The following RBPJ variants were observed in gnomAD, a reference collection of about 807,000 sequenced individuals.
RBPJ encodes the protein recombination signal binding protein for immunoglobulin kappa J region.
A neutral mutation model predicts 67.8 loss-of-function variants in RBPJ; 9 were observed. That is an observed-to-expected ratio of 0.13 (90% confidence interval 0.08 to 0.23). The LOEUF (loss-of-function observed/expected upper bound fraction) is 0.23. Ranked by LOEUF, RBPJ falls within the 10% of genes least tolerant of loss-of-function variation. The pLI, the probability that RBPJ is intolerant of heterozygous loss-of-function variation, is 1.00. For missense variants in RBPJ, 305 were observed against 595.6 expected (o/e 0.51, Z 5.08); for synonymous variants, 198 against 203.3 (o/e 0.97, Z 0.22).
At chr4:26,288,267 A>G (rs1245231158) in intron 1 of RBPJ, among the ~76,000 whole-genome samples, 1 of 152,234 alleles carries the variant, frequency 6.6e-6, no homozygotes, top group Admixed American at 6.5e-5. Context: ...AAGGGATTGT[A>G]GTCAAGAAGT....
chr4:26,175,620 A>G (rs944706497), intron 1 of RBPJ, among the ~76,000 whole-genome samples: 11 of 152,166 alleles, frequency 7.2e-5, no homozygotes, highest in Admixed American at 2.0e-4. Flanking sequence ...TCGTGCCTAG[A>G]TGGGGTTTCC....
upstream of RBPJ, chr4:26,319,786 T>C: frequency 7.7e-7 from 1 of 1,297,544 alleles, no homozygotes; most frequent in Non-Finnish European, 1.1e-6. Context: ...GGGCGGCGAA[T>C]TCCAGTTCTC....
intron 1 of RBPJ, among the ~76,000 whole-genome samples, chr4:26,351,488 C>A (rs1186974854): frequency 6.6e-6 from 1 of 152,198 alleles, no homozygotes; most frequent in Non-Finnish European, 1.5e-5. Flanking sequence ...TCAGGCAATC[C>A]TCCCACCTCA....
At chr4:26,325,112 T>C (rs1000815015) in intron 1 of RBPJ, among the ~76,000 whole-genome samples, 1 of 152,184 alleles carries the variant, frequency 6.6e-6, no homozygotes, top group Non-Finnish European at 1.5e-5. Context: ...TCCGTTTGGT[T>C]CCCAAAGCCA....
chr4:26,240,463 TAATTATTAAA>T (rs1560224007), intron 1 of RBPJ, among the ~76,000 whole-genome samples: 1 of 152,146 alleles, frequency 6.6e-6, no homozygotes, highest in Admixed American at 6.5e-5. Context: ...TCTGAACATA[TAATTATTAAA>T]CACCCACAAA....
At chr4:26,236,617 C>G (rs1285537434) in intron 1 of RBPJ, among the ~76,000 whole-genome samples, 1 of 152,120 alleles carries the variant, frequency 6.6e-6, no homozygotes, top group Non-Finnish European at 1.5e-5. Context: ...CCAGAGCAAG[C>G]AATTCAAGAG....
chr4:26,291,981 G>A (rs2871197), intron 1 of RBPJ, among the ~76,000 whole-genome samples: 6,672 of 150,694 alleles, frequency 0.044, 570 homozygotes, highest in African/African-American at 0.12. Flanking sequence ...ACAATGTGAC[G>A]ATTTGATATA....
intron 3 of RBPJ, among the ~76,000 whole-genome samples, chr4:26,408,847 G>A (rs1175468199): frequency 6.6e-6 from 1 of 152,148 alleles, no homozygotes; most frequent in Non-Finnish European, 1.5e-5. Context: ...TTCCATTTGC[G>A]TTTGAGTGTT....
At chr4:26,221,691 AC>A (rs5856935) in intron 1 of RBPJ, among the ~76,000 whole-genome samples, 1 of 152,186 alleles carries the variant, frequency 6.6e-6, no homozygotes, top group African/African-American at 2.4e-5. Context: ...TAAAAAGAGC[AC>A]CCAGTTGGTT....
At chr4:26,147,675 G>A in the RBPJ span, among the ~76,000 whole-genome samples, 1 of 152,160 alleles carries the variant, frequency 6.6e-6, no homozygotes, top group Non-Finnish European at 1.5e-5. Flanking sequence ...CTGGAGTGCA[G>A]TGGCGTGATC....
At chr4:26,308,162 G>C (rs1046899014) in intron 1 of RBPJ, among the ~76,000 whole-genome samples, 2 of 152,184 alleles carry the variant, frequency 1.3e-5, no homozygotes, top group Non-Finnish European at 2.9e-5. Flanking sequence ...TGTAGTCCCA[G>C]CTAGTCGGGA....
At chr4:26,325,189 A>G (rs1331740639) in intron 1 of RBPJ, among the ~76,000 whole-genome samples, 2 of 140,654 alleles carry the variant, frequency 1.4e-5, no homozygotes, top group Admixed American at 7.1e-5. Flanking sequence ...TTTTCCTTCT[A>G]AAAAATCTCT....
chr4:26,290,019 T>C (rs1721614200), intron 1 of RBPJ, among the ~76,000 whole-genome samples: 1 of 150,288 alleles, frequency 6.7e-6, no homozygotes, highest in African/African-American at 2.5e-5. Flanking sequence ...CAATATAAAG[T>C]TAAAGAAAAA....
the RBPJ span, among the ~76,000 whole-genome samples, chr4:26,120,602 G>A: frequency 6.6e-6 from 1 of 151,606 alleles, no homozygotes; most frequent in Non-Finnish European, 1.5e-5. Flanking sequence ...CCTAACCTTG[G>A]CACCATATTG....
chr4:26,255,723 A>G (rs1720316677), intron 1 of RBPJ, among the ~76,000 whole-genome samples: 1 of 149,886 alleles, frequency 6.7e-6, no homozygotes, highest in African/African-American at 2.5e-5. Context: ...AATGGCGTGA[A>G]CCCGGGAGGC....
chr4:26,210,692 T>TTTCTTTCC (rs1718362842), intron 1 of RBPJ, among the ~76,000 whole-genome samples: 3 of 46,116 alleles, frequency 6.5e-5, no homozygotes, highest in Non-Finnish European at 9.1e-5. Context: ...CTTTCCTTTC[T>TTTCTTTCC]TTCTTTCTTT....
chr4:26,192,920 C>A (rs1001789136), intron 1 of RBPJ, among the ~76,000 whole-genome samples: 2 of 152,076 alleles, frequency 1.3e-5, no homozygotes, highest in African/African-American at 4.8e-5. Context: ...GGGAGAATAT[C>A]CTGGATTCTA....
the RBPJ span, among the ~76,000 whole-genome samples, chr4:26,154,002 G>A: frequency 6.6e-5 from 10 of 152,110 alleles, no homozygotes; most frequent in South Asian, 4.2e-4. Flanking sequence ...TTTGGATTAG[G>A]GACTCCAAAT....
chr4:26,342,701 C>G (rs1468177608), intron 1 of RBPJ, among the ~76,000 whole-genome samples: 1 of 152,090 alleles, frequency 6.6e-6, no homozygotes, highest in Non-Finnish European at 1.5e-5. Flanking sequence ...TTTCACTATA[C>G]AATTTTGGAA....
Sources: allele counts gnomAD v4.1 joint callset (sites outside exome capture counted in the v4.1 genomes callset), GRCh38; gene constraint gnomAD v4.1.1; transcripts MANE v1.5; gene names NCBI Gene and HGNC (gene_info 2026-07-23, HGNC 2026-07-21).